The following JAKMIP3 variants were observed in gnomAD, a reference collection of about 807,000 sequenced individuals.
JAKMIP3 encodes janus kinase and microtubule-interacting protein 3.
A neutral mutation model predicts 118.5 loss-of-function variants in JAKMIP3; 58 were observed. The observed-to-expected ratio is 0.49, with a 90% confidence interval of 0.40 to 0.61. JAKMIP3 has a LOEUF of 0.61. JAKMIP3 is among the 20% of genes least tolerant of loss of function. The pLI, the probability that JAKMIP3 is intolerant of heterozygous loss-of-function variation, is 0.00. For synonymous variants in JAKMIP3, 486 were observed against 451.2 expected, an observed-to-expected ratio of 1.08 and a Z score of -0.98; for missense variants, 950 against 1,109.0, an observed-to-expected ratio of 0.86 and a Z score of 2.04.
intron 1 of JAKMIP3, among the ~76,000 whole-genome samples, chr10:132,068,525 C>T (rs1484457726): frequency 1.3e-5 from 2 of 152,158 alleles, no homozygotes; most frequent in Non-Finnish European, 2.9e-5. Context: ...GCAGGTGTTT[C>T]TTATCTCAAT....
intron 14 of JAKMIP3, among the ~76,000 whole-genome samples, chr10:132,148,820 C>T (rs2055214516): frequency 6.6e-6 from 1 of 152,188 alleles, no homozygotes; most frequent in Non-Finnish European, 1.5e-5. Context: ...AAGTGGCCCA[C>T]ACAGGGGCCG....
At chr10:132,164,320 C>G (rs1454485170) in intron 20 of JAKMIP3, among the ~76,000 whole-genome samples, 1 of 152,250 alleles carries the variant, frequency 6.6e-6, no homozygotes, top group South Asian at 2.1e-4. Flanking sequence ...CTGTGCCCAG[C>G]TCTCCTGCGA....
intron 20 of JAKMIP3, among the ~76,000 whole-genome samples, chr10:132,164,298 G>A (rs1564990542): frequency 1.3e-5 from 2 of 152,204 alleles, no homozygotes; most frequent in Non-Finnish European, 2.9e-5. Flanking sequence ...CCCCCTCACC[G>A]GGAGGCTCTC....
At chr10:132,150,688 C>T (rs889263110) in intron 16 of JAKMIP3, among the ~76,000 whole-genome samples, 2 of 151,900 alleles carry the variant, frequency 1.3e-5, no homozygotes, top group South Asian at 4.2e-4. Flanking sequence ...ATTCATTTAT[C>T]CGTCCTCCAT....
chr10:132,132,945 T>G (rs1338158701), intron 3 of JAKMIP3, among the ~76,000 whole-genome samples: 1 of 152,216 alleles, frequency 6.6e-6, no homozygotes, highest in African/African-American at 2.4e-5. Context: ...CTGTCCAACC[T>G]ACAGCAGAGT....
At chr10:132,180,845 G>C (rs1406160486) in intron 23 of JAKMIP3, among the ~76,000 whole-genome samples, 2 of 151,632 alleles carry the variant, frequency 1.3e-5, no homozygotes, top group East Asian at 3.9e-4. Context: ...TCGTGTGCAT[G>C]TGTGTGCTGT....
Position 132,167,062 on chromosome 10 carries a change from A to AGGGG in JAKMIP3, c.*22+7_*22+8insGGGG. ...GTCTTGGCACCCTGACGTGGTGAGT[A>AGGGG]TTTCGTTGGCAGGGCCCAGCAGGGG... On this transcript the variant is annotated splice_region_variant and intron_variant, in intron 22 of 23. Coordinates refer to ENST00000684848, the MANE Select transcript of JAKMIP3 (RefSeq NM_001323087.2). The AGGGG allele has an allele frequency of 6.5e-7, 1 of 1,542,338 alleles. No homozygotes were observed. Among genetic ancestry groups the AGGGG allele is most frequent in the Non-Finnish European group, 8.8e-7 (1 of 1,139,086 alleles).
intron 1 of JAKMIP3, among the ~76,000 whole-genome samples, chr10:132,097,165 G>T (rs1268131616): frequency 6.6e-6 from 1 of 152,252 alleles, no homozygotes; most frequent in African/African-American, 2.4e-5. Flanking sequence ...CTCATACACG[G>T]CTGGTGGGAG....
intron 1 of JAKMIP3, among the ~76,000 whole-genome samples, chr10:132,087,335 C>T (rs929615473): frequency 4.0e-5 from 6 of 150,328 alleles, no homozygotes; most frequent in African/African-American, 1.5e-4. Context: ...TGACAATGTG[C>T]CTAGGCGATG....
chr10:132,166,459 A>G (rs1590015689), intron 21 of JAKMIP3, among the ~76,000 whole-genome samples: 1 of 152,112 alleles, frequency 6.6e-6, no homozygotes, highest in East Asian at 1.9e-4. Context: ...CCAGAGTGAG[A>G]CTGTGTGCGC....
At chr10:132,050,564 G>A (rs998310865) in intron 1 of JAKMIP3, among the ~76,000 whole-genome samples, 8 of 152,188 alleles carry the variant, frequency 5.3e-5, no homozygotes, top group African/African-American at 1.7e-4. Context: ...TTCAAGTCAT[G>A]CCAAGGGTGT....
chr10:132,142,161 C>G (rs2053652143), intron 11 of JAKMIP3, 113 bp downstream of exon 11: 1 of 1,168,424 alleles, frequency 8.6e-7, no homozygotes, highest in Non-Finnish European at 1.2e-6. Flanking sequence ...GGCCCCTCCT[C>G]TCCTGCCCTT....
In JAKMIP3 at chr10:132,104,730, TG is replaced by T; in HGVS notation, c.-77del. On this transcript the variant is annotated 5_prime_UTR_variant, in exon 2 of 24. It introduces an in-frame stop codon into an upstream open reading frame of the 5' UTR. Coordinates refer to ENST00000684848, the MANE Select transcript of JAKMIP3 (RefSeq NM_001323087.2). ...GGTGACACCTGCTGGGAGCTTGGCG[TG>T]GACACCCCAGCCACCCCCAGCCCAG... 1 of 1,442,712 alleles carries T rather than the reference TG, an allele frequency of 6.9e-7. No individual in the cohort carries two copies. The highest frequency in any genetic ancestry group is 9.4e-7 in the Non-Finnish European group (1 of 1,059,648). 89.4% of individuals were successfully genotyped at this position (1,442,712 alleles called of 1,614,324 possible).
intron 1 of JAKMIP3, among the ~76,000 whole-genome samples, chr10:132,101,916 C>T (rs1406113347): frequency 6.6e-6 from 1 of 152,046 alleles, no homozygotes; most frequent in Non-Finnish European, 1.5e-5. Context: ...TGGAGAGTCC[C>T]CTTCATGGGT....
At chr10:132,150,890 CATCCATCATCCTTAATCCATCCATTT>C (rs1159720306) in intron 16 of JAKMIP3, among the ~76,000 whole-genome samples, 2 of 152,150 alleles carry the variant, frequency 1.3e-5, no homozygotes, top group Non-Finnish European at 2.9e-5. Flanking sequence ...ATCTATCCTT[CATCCATCATCCTTAATCCATCCATTT>C]ATCCATCATC....
intron 2 of JAKMIP3, 119 bp downstream of exon 2, chr10:132,105,062 A>T: frequency 8.0e-7 from 1 of 1,243,902 alleles, no homozygotes; most frequent in Non-Finnish European, 1.1e-6. Context: ...ACCCAGTCCT[A>T]AAGGCTGCTT....
intron 20 of JAKMIP3, among the ~76,000 whole-genome samples, chr10:132,163,990 G>A (rs1295081904): frequency 2.0e-5 from 3 of 152,338 alleles, no homozygotes; most frequent in Non-Finnish European, 2.9e-5. Flanking sequence ...TGTAGGACAC[G>A]GCCCAGCTTC....
At chr10:132,170,859 G>A (rs1033675285) in intron 23 of JAKMIP3, among the ~76,000 whole-genome samples, 1 of 152,224 alleles carries the variant, frequency 6.6e-6, no homozygotes, top group Non-Finnish European at 1.5e-5. Context: ...AGCCAGTCCC[G>A]TCAGCCTCCC....
chr10:132,180,550 C>CGTGTGTGTGTGT (rs1158667097), intron 23 of JAKMIP3, among the ~76,000 whole-genome samples: 1 of 6,362 alleles, frequency 1.6e-4, no homozygotes, highest in Non-Finnish European at 2.9e-4. Flanking sequence ...TGTGTGCGTG[C>CGTGTGTGTGTGT]GTGCATGCGT....
Sources: gnomAD v4.1 joint callset for allele counts (sites outside exome capture counted in the v4.1 genomes callset) on GRCh38, gnomAD v4.1.1 for gene constraint, MANE v1.5 for transcripts, NCBI Gene and HGNC (gene_info 2026-07-23, HGNC 2026-07-21) for gene names.